BMERB1: variants seen among roughly 807,000 people sequenced by gnomAD.
BMERB1 encodes bMERB domain containing 1.
A neutral mutation model predicts 23.6 loss-of-function variants in BMERB1; 12 were observed. The ratio of observed to expected loss-of-function variants is 0.51; its 90% CI spans 0.33 to 0.82. The LOEUF (loss-of-function observed/expected upper bound fraction) is 0.82, where lower values mean the gene tolerates loss of function less well. Ranked by LOEUF, BMERB1 falls within the 40% of genes least tolerant of loss-of-function variation. BMERB1 has a pLI of 0.03. For missense variants in BMERB1, 247 were observed against 255.4 expected (o/e 0.97, Z 0.22); for synonymous variants, 122 against 96.6 (o/e 1.26, Z -1.54).
chr16:15,478,224 C>T (rs2051289241), intron 1 of BMERB1, among the ~76,000 whole-genome samples: 2 of 152,142 alleles, frequency 1.3e-5, no homozygotes, highest in Admixed American at 6.5e-5. Context: ...GTGGCACAAT[C>T]TCGGCTCACT....
intron 2 of BMERB1, among the ~76,000 whole-genome samples, chr16:15,550,499 A>ATT (rs1291834316): frequency 7.1e-6 from 1 of 141,110 alleles, no homozygotes; most frequent in Non-Finnish European, 1.6e-5. Context: ...TGCCTGGCTA[A>ATT]TTTTTTTTTT....
At chr16:15,518,591 A>G (rs2051805569) in intron 2 of BMERB1, among the ~76,000 whole-genome samples, 1 of 152,114 alleles carries the variant, frequency 6.6e-6, no homozygotes, top group Admixed American at 6.5e-5. Flanking sequence ...GCTTGAATTC[A>G]CTTTCTTGGC....
At chr16:15,509,802 C>T (rs1221060127) in intron 1 of BMERB1, among the ~76,000 whole-genome samples, 2 of 152,176 alleles carry the variant, frequency 1.3e-5, no homozygotes, top group Non-Finnish European at 1.5e-5. Context: ...TTGTGGCCTC[C>T]TGAAGTTCAT....
At chr16:15,569,065 A>G (rs2030657776) in intron 3 of BMERB1, among the ~76,000 whole-genome samples, 1 of 151,874 alleles carries the variant, frequency 6.6e-6, no homozygotes, top group Non-Finnish European at 1.5e-5. Flanking sequence ...AAAATATGAA[A>G]ATTAGCCAGG....
chr16:15,506,798 T>C (rs542006094), intron 1 of BMERB1, among the ~76,000 whole-genome samples: 6 of 151,998 alleles, frequency 3.9e-5, no homozygotes, highest in Non-Finnish European at 7.4e-5. Flanking sequence ...TGGATTTGAG[T>C]CTCTTTCCAT....
chr16:15,481,226 A>T (rs1036498144), intron 1 of BMERB1, among the ~76,000 whole-genome samples: 2 of 152,104 alleles, frequency 1.3e-5, no homozygotes, highest in African/African-American at 4.8e-5. Flanking sequence ...CTAAAAAAAA[A>T]ATAATAATAC....
intron 2 of BMERB1, among the ~76,000 whole-genome samples, chr16:15,565,435 A>C (rs1046550398): frequency 1.3e-5 from 2 of 152,176 alleles, no homozygotes; most frequent in Non-Finnish European, 2.9e-5. Context: ...CATCTGAAAT[A>C]TTGTATTTGG....
intron 1 of BMERB1, among the ~76,000 whole-genome samples, chr16:15,498,977 G>T (rs1232298139): frequency 6.6e-6 from 1 of 152,224 alleles, no homozygotes; most frequent in Non-Finnish European, 1.5e-5. Flanking sequence ...TCTTGCTCTA[G>T]CCTTGGCTCC....
chr16:15,513,360 C>T (rs944806935), intron 1 of BMERB1, among the ~76,000 whole-genome samples: 2 of 152,024 alleles, frequency 1.3e-5, no homozygotes, highest in Middle Eastern at 3.2e-3. Flanking sequence ...AATAGAAAAC[C>T]GCCCCGCCTT....
chr16:15,484,166 T>C (rs996378044), intron 1 of BMERB1, among the ~76,000 whole-genome samples: 5 of 152,276 alleles, frequency 3.3e-5, no homozygotes, highest in African/African-American at 9.6e-5. Context: ...AGGGATCTGC[T>C]CCCATCATCC....
At chr16:15,539,376 C>A (rs2052057142) in intron 2 of BMERB1, among the ~76,000 whole-genome samples, 1 of 152,162 alleles carries the variant, frequency 6.6e-6, no homozygotes, top group Admixed American at 6.5e-5. Context: ...CACTCACTCA[C>A]CCGCCACTCA....
Position 15,460,637 on chromosome 16 carries a change from G to A in BMERB1, c.106+25878G>A, listed in dbSNP as rs571853249. Among the ~76,000 whole-genome samples, 5 of 152,144 alleles carry A rather than the reference G, an allele frequency of 3.3e-5. No individual in the cohort carries two copies. In the East Asian group the frequency reaches 5.8e-4, roughly 18 times the overall value. ...GCAGAGGTTGTTATTTGCAGGCTAC[G>A]TTGACACTAGGTAGTGAACTTCACA... On this transcript the variant is annotated intron_variant, in intron 1 of 5. Coordinates refer to ENST00000300006, the MANE Select transcript of BMERB1 (RefSeq NM_033201.3).
At chr16:15,539,849 A>AAAAAAAG (rs1555512266) in intron 2 of BMERB1, among the ~76,000 whole-genome samples, 15 of 152,062 alleles carry the variant, frequency 9.9e-5, no homozygotes, top group African/African-American at 3.6e-4. Flanking sequence ...CTCAAAAAAA[A>AAAAAAAG]AAAAAGAAAA....
At chr16:15,500,861 A>T (rs180941002) in intron 1 of BMERB1, among the ~76,000 whole-genome samples, 2 of 152,306 alleles carry the variant, frequency 1.3e-5, no homozygotes, top group Admixed American at 1.3e-4. Flanking sequence ...CATGTTGTCC[A>T]GGCTGGTGTC....
At chr16:15,515,472 G>A (rs764994079) in intron 2 of BMERB1, 44 bp downstream of exon 2, 6 of 1,594,702 alleles carry the variant, frequency 3.8e-6, no homozygotes, top group South Asian at 2.2e-5. Flanking sequence ...GTGTGTGGAG[G>A]AGAGAGGAAA....
At chr16:15,570,464 G>T (rs1477991921) in intron 3 of BMERB1, among the ~76,000 whole-genome samples, 2 of 152,082 alleles carry the variant, frequency 1.3e-5, no homozygotes, top group Admixed American at 6.5e-5. Flanking sequence ...GGGGTACGGG[G>T]CTCTGTGTTG....
chr16:15,553,699 A>G (rs1409853038), intron 2 of BMERB1, among the ~76,000 whole-genome samples: 2 of 152,210 alleles, frequency 1.3e-5, no homozygotes, highest in Non-Finnish European at 2.9e-5. Context: ...AAATTAAACT[A>G]TTCTTAGTTC....
intron 2 of BMERB1, among the ~76,000 whole-genome samples, chr16:15,551,674 AC>A (rs199668377): frequency 0.015 from 2,277 of 152,282 alleles, 62 homozygotes; most frequent in African/African-American, 0.052. Flanking sequence ...CTGTTCTGAC[AC>A]TGCTGTAAAG....
At chr16:15,514,856 A>G (rs964392022) in intron 1 of BMERB1, among the ~76,000 whole-genome samples, 2 of 152,250 alleles carry the variant, frequency 1.3e-5, no homozygotes, top group South Asian at 2.1e-4. Context: ...CGAGGCGGGT[A>G]GATCACAAGG....
Sources: allele counts gnomAD v4.1 joint callset (sites outside exome capture counted in the v4.1 genomes callset), GRCh38; gene constraint gnomAD v4.1.1; transcripts MANE v1.5; gene names NCBI Gene and HGNC (gene_info 2026-07-23, HGNC 2026-07-21).